The following KRT81 variants were observed in gnomAD, a reference collection of about 807,000 sequenced individuals.
KRT81 encodes the protein keratin, type II cuticular Hb1.
A neutral mutation model predicts 35.8 loss-of-function variants in KRT81; 35 were observed. The observed-to-expected ratio is 0.98, with a 90% confidence interval of 0.75 to 1.30. KRT81 has a LOEUF of 1.30. Among genes scored for constraint, KRT81 ranks in the 50% most tolerant of loss-of-function variants. KRT81 has a pLI of 0.00. For missense variants in KRT81, 531 were observed against 577.4 expected (o/e 0.92, Z 0.82); for synonymous variants, 249 against 251.2 (o/e 0.99, Z 0.08).
At chr12:52,288,258 G>A in intron 4 of KRT81, 103 bp downstream of exon 4, 1 of 1,600,356 alleles carries the variant, frequency 6.2e-7, no homozygotes, top group Non-Finnish European at 8.5e-7. Context: ...CCCTCACACA[G>A]CCTCAGGGAC....
Position 52,288,422 on chromosome 12 carries a change from A to C in KRT81, c.674T>G (p.Leu225Arg). 6.2e-7 allele frequency: 1 copy of C among 1,614,110 alleles called. No homozygotes were observed. Residue 225 changes from leucine (L) to arginine (R), a missense_variant, in exon 4 of 9, where the codon CTG becomes CGG. Physicochemically the swap from Leu to Arg is moderately radical, Grantham distance 102. Coordinates refer to ENST00000327741, the MANE Select transcript of KRT81 (RefSeq NM_002281.4). Reference protein sequence around the residue: ...VDCAYLRKSDLEANVEALIQE... With the variant: ...VDCAYLRKSDREANVEALIQE... Reference sequence around the variant, plus strand: ...GATCAGGGCCTCCACGTTGGCCTCCAGGTCTGACTTGCGGAGGTAGGCGCA... The same window carrying C: ...GATCAGGGCCTCCACGTTGGCCTCCCGGTCTGACTTGCGGAGGTAGGCGCA...
At chr12:52,288,668 C>A (rs142261130) in intron 3 of KRT81, among the ~76,000 whole-genome samples, 8 of 152,246 alleles carry the variant, frequency 5.3e-5, no homozygotes, top group African/African-American at 1.9e-4. Flanking sequence ...GCCTCACCAG[C>A]CTTTCACCCC....
intron 7 of KRT81, 136 bp from the exon 8 acceptor site, chr12:52,286,958 T>G (rs1296707268): frequency 1.9e-6 from 3 of 1,546,040 alleles, no homozygotes; most frequent in Non-Finnish European, 2.7e-6. Context: ...TCAGACAAAC[T>G]CACACACCAG....
rs1289779397 is a variant in KRT81, at chr12:52,286,774, G to A, written c.1279+17C>T. ...GGTAGTTAGTAAATCTGTCCACACT[G>A]GACCCCAAATACTCACAGACATTCA... On this transcript the variant is annotated intron_variant, in intron 8 of 8. Coordinates refer to ENST00000327741, the MANE Select transcript of KRT81 (RefSeq NM_002281.4). 6.2e-7 allele frequency: 1 copy of A among 1,613,084 alleles called. No individual in the cohort carries two copies. The highest frequency in any genetic ancestry group is 2.2e-5 in the East Asian group (1 of 44,866).
rs780330322 is a variant in KRT81, at chr12:52,288,008, C to T, written c.876G>A (p.Glu292=). Residue 292 remains glutamate, a synonymous_variant, in exon 5 of 9, where the codon GAG becomes GAA. Transcript: ENST00000327741. ...YDDIVTRSRA[E]AESWYRSKCE... ...CCTTGCTGCGGTACCAGGACTCGGC[C>T]TCGGCCCGGCTGCGGGTGACAATGT... 6.2e-7 allele frequency: 1 copy of T among 1,614,230 alleles called. No homozygotes were observed. The highest frequency in any genetic ancestry group is 1.7e-5 in the Admixed American group (1 of 60,032).
At position 52,287,630 on chromosome 12, in the gene KRT81, C is replaced by G; in HGVS notation, c.992G>C (p.Arg331Thr). 1 of 1,613,956 alleles carries G rather than the reference C, an allele frequency of 6.2e-7. No individual in the cohort carries two copies. Among genetic ancestry groups the G allele is most frequent in the Non-Finnish European group, 8.5e-7 (1 of 1,179,864 alleles). The change falls in exon 6 of 9, where the codon AGG (arginine) becomes ACG (threonine). Residue 331 changes from arginine (R) to threonine (T), a missense_variant. Physicochemically the swap from Arg to Thr is moderately conservative, Grantham distance 71. Coordinates refer to ENST00000327741, the MANE Select transcript of KRT81 (RefSeq NM_002281.4). ...GGCATTCTCCACCTCGGCCGTCAGC[C>G]TTTGGATCATGCGGTTCAGCTCATT... is the stretch of plus-strand genomic sequence containing the variant. ...EINELNRMIQRLTAEVENAKC... is the reference protein window; with the variant it reads ...EINELNRMIQTLTAEVENAKC...
chr12:52,286,782 A>C lies in KRT81; in HGVS notation c.1279+9T>G. The C allele has an allele frequency of 5.6e-6, 9 of 1,613,902 alleles. No homozygotes were observed. Among genetic ancestry groups the C allele is most frequent in the Non-Finnish European group, 7.6e-6 (9 of 1,179,852 alleles). On this transcript the variant is annotated intron_variant, in intron 8 of 8. Transcript: ENST00000327741. ...GTAAATCTGTCCACACTGGACCCCA[A>C]ATACTCACAGACATTCACAGCCCCA... is the stretch of plus-strand genomic sequence containing the variant.
At chr12:52,286,564 C>T (rs1937944784) in intron 8 of KRT81, 71 bp from the exon 9 acceptor site, 2 of 1,447,614 alleles carry the variant, frequency 1.4e-6, no homozygotes, top group Non-Finnish European at 1.9e-6. Flanking sequence ...ACCGCCCCTG[C>T]CCAAGACCTG....
In KRT81 at chr12:52,291,303, G is replaced by GA. The variant is rs1355298615; in HGVS notation, c.162dup (p.Arg55SerfsTer102). ...AAGCTGCGTCCGCAGGAGCCGGCCC[G>GA]AAAGCCTCCGCACACGCTGTGGCTG... is the stretch of plus-strand genomic sequence containing the variant. On this transcript the variant is annotated frameshift_variant, in exon 1 of 9. Transcript: ENST00000327741. LOFTEE classifies it high-confidence loss of function. 1 of 1,543,024 alleles carries GA rather than the reference G, an allele frequency of 6.5e-7. No individual in the cohort carries two copies. The highest frequency in any genetic ancestry group is 1.4e-5 in the African/African-American group (1 of 72,360).
chr12:52,289,017 T>C (rs1938059941), intron 3 of KRT81, among the ~76,000 whole-genome samples, 198 bp downstream of exon 3: 1 of 128,476 alleles, frequency 7.8e-6, no homozygotes, highest in Admixed American at 8.2e-5. Flanking sequence ...AGGTAGGTGC[T>C]GGTAGATATT....
In KRT81 at chr12:52,286,455, G is replaced by A; in HGVS notation, c.1318C>T (p.Leu440Phe). 2 of 1,552,838 alleles carry A rather than the reference G, an allele frequency of 1.3e-6. No homozygotes were observed. Among genetic ancestry groups the A allele is most frequent in the Non-Finnish European group, 1.7e-6 (2 of 1,147,964 alleles). ...ACTGGCCGGGAGCCTGACACGCAGA[G>A]GTCCCCGCACACGACCCCGCCCCGG... ...SSRGGVVCGD[L>F]CVSGSRPVTG... Residue 440 changes from leucine to phenylalanine, a missense_variant, in exon 9 of 9, where the codon CTC becomes TTC. This residue lies in a region of KRT81 where 150 missense variants were observed against 145.4 expected (regional missense o/e 1.03). Transcript: ENST00000327741.
Position 52,288,395 on chromosome 12 carries a change from T to C in KRT81, c.701A>G (p.Gln234Arg). ...DLEANVEALI[Q>R]EIDFLRRLYE... ...CAGCCGCCTCAGGAAGTCGATCTCC[T>C]GGATCAGGGCCTCCACGTTGGCCTC... The change falls in exon 4 of 9, where the codon CAG (glutamine) becomes CGG (arginine). Residue 234 changes from glutamine (Q) to arginine (R), a missense_variant. Physicochemically the swap from Gln to Arg is conservative, Grantham distance 43. Around this residue, in one of 5 missense-constraint regions of KRT81, gnomAD observed 194 missense variants for 198.2 expected, o/e 0.98. Coordinates refer to ENST00000327741, the MANE Select transcript of KRT81 (RefSeq NM_002281.4). 4 of 1,614,144 alleles carry C rather than the reference T, an allele frequency of 2.5e-6. No homozygotes were observed. Among genetic ancestry groups the C allele is most frequent in the Non-Finnish European group, 3.4e-6 (4 of 1,180,006 alleles).
rs936190036 is a variant in KRT81, at chr12:52,291,200, G to C, written c.266C>G (p.Thr89Arg). 5 of 1,381,856 alleles carry C rather than the reference G, an allele frequency of 3.6e-6. No homozygotes were observed. Among genetic ancestry groups the C allele is most frequent in the Admixed American group, 2.3e-5 (1 of 44,420 alleles). The allele number at this position is 1,381,856 out of a possible 1,614,324, so 85.6% of individuals were successfully genotyped here. The change falls in exon 1 of 9, where the codon ACG becomes AGG. Residue 89 changes from threonine (T) to arginine (R), a missense_variant. Around this residue, in one of 5 missense-constraint regions of KRT81, gnomAD observed 5 missense variants for 20.2 expected, o/e 0.25. Transcript: ENST00000327741. ...GGGGTCGATCTCCAGGTTGAGGGGC[G>C]TGAGGAGGCTCTCGTTGACCGACAC... ...TTVSVNESLL[T>R]PLNLEIDPNA...
rs150886963 is a variant in KRT81, at chr12:52,287,242, G to A, written c.1107C>T (p.Ala369=). Residue 369 remains alanine, a synonymous_variant, in exon 7 of 9, where the codon GCC becomes GCT. Transcript: ENST00000327741. ...CCTTCTGCAGGGCGCCCTCCAGCTCGGCCAGCTTGCAGCGGGCATCACTGA... is the reference window on the plus strand; with the variant it reads ...CCTTCTGCAGGGCGCCCTCCAGCTCAGCCAGCTTGCAGCGGGCATCACTGA... ...AALSDARCKL[A]ELEGALQKAK... is the part of the protein sequence containing the mutation. 8.7e-5 allele frequency: 140 copies of A among 1,613,932 alleles called. No homozygotes were observed. The African/African-American group carries it at 1.5e-3, about 17-fold the overall frequency.
Position 52,286,065 on chromosome 12 carries a change from C to T in KRT81, c.*190G>A, listed in dbSNP as rs1937918173. ...GCCAGCGGACTTCTTTCTAGGGTGG[C>T]CTTTCCCACTGTGGGGTGGCAGAGC... On this transcript the variant is annotated 3_prime_UTR_variant, in exon 9 of 9. Coordinates refer to ENST00000327741, the MANE Select transcript of KRT81 (RefSeq NM_002281.4). 3 of 624,022 alleles carry T rather than the reference C, an allele frequency of 4.8e-6. No individual in the cohort carries two copies. Among genetic ancestry groups the T allele is most frequent in the Non-Finnish European group, 5.7e-6 (2 of 353,216 alleles). 38.7% of individuals were successfully genotyped at this position (624,022 alleles called of 1,614,324 possible).
chr12:52,286,855 G>T (rs777990155), intron 7 of KRT81, 33 bp from the exon 8 acceptor site: 1 of 1,612,346 alleles, frequency 6.2e-7, no homozygotes, highest in Non-Finnish European at 8.5e-7. Flanking sequence ...CAACATTAGT[G>T]ACTGCCCCAG....
At position 52,286,478 on chromosome 12, in the gene KRT81, C is replaced by T. The variant is rs998726616; in HGVS notation, c.1295G>A (p.Arg432Gln). Residue 432 changes from arginine to glutamine, a missense_variant, in exon 9 of 9, where the codon CGG (arginine) becomes CAG (glutamine). Physicochemically the swap from Arg to Gln is conservative, Grantham distance 43. Coordinates refer to ENST00000327741, the MANE Select transcript of KRT81 (RefSeq NM_002281.4). ...GAVNVCVSSS[R>Q]GGVVCGDLCV... ...GAGGTCCCCGCACACGACCCCGCCC[C>T]GGGAGCTGCTGACACCTGTGAACCC... The T allele has an allele frequency of 1.9e-5, 30 of 1,552,300 alleles. No individual in the cohort carries two copies. The highest frequency in any genetic ancestry group is 2.7e-5 in the African/African-American group (2 of 73,096).
chr12:52,288,079 G>A lies in KRT81; in HGVS notation c.805C>T (p.Leu269=). 6.2e-7 allele frequency: 1 copy of A among 1,614,190 alleles called. No homozygotes were observed. Among genetic ancestry groups the A allele is most frequent in the Non-Finnish European group, 8.5e-7 (1 of 1,180,040 alleles). ...TCGGCAATGATGCAGTCCATGTTCA[G>A]GTCCCGGCTGTTGTCCAGCTTGACA... ...VVVKLDNSRD[L]NMDCIIAEIK... is the part of the protein sequence containing the mutation. Residue 269 remains leucine, a synonymous_variant, in exon 5 of 9, where the codon CTG becomes TTG. Transcript: ENST00000327741.
At chr12:52,287,781 C>T (rs1048741277) in intron 5 of KRT81, 60 bp from the exon 6 acceptor site, 3 of 1,613,734 alleles carry the variant, frequency 1.9e-6, no homozygotes, top group African/African-American at 1.3e-5. Flanking sequence ...ATTCAGGACA[C>T]CACAGATGAT....
Sources: gnomAD v4.1 joint callset for allele counts (sites outside exome capture counted in the v4.1 genomes callset) on GRCh38, gnomAD v4.1.1 for gene constraint, gnomAD v4.1.1 regional missense constraint, MANE v1.5 for transcripts, NCBI Gene and HGNC (gene_info 2026-07-23, HGNC 2026-07-21) for gene names.